MINDY4: variants seen among roughly 807,000 people sequenced by gnomAD.
The protein encoded by MINDY4 is MINDY lysine 48 deubiquitinase 4, also known as probable ubiquitin carboxyl-terminal hydrolase MINDY-4.
MINDY4 carries 68 observed loss-of-function variants against 87.0 expected under a neutral mutation model. The ratio of observed to expected loss-of-function variants is 0.78; its 90% CI spans 0.64 to 0.96. The LOEUF (loss-of-function observed/expected upper bound fraction) is 0.96. MINDY4 is among the 40% of genes least tolerant of loss of function. The pLI is 0.00. For missense variants in MINDY4, 919 were observed against 928.2 expected, an observed-to-expected ratio of 0.99 and a Z score of 0.13; for synonymous variants, 379 against 363.2, an observed-to-expected ratio of 1.04 and a Z score of -0.50.
chr7:30,828,336 G>GTT (rs1788580879), intron 5 of MINDY4, among the ~76,000 whole-genome samples: 1 of 152,142 alleles, frequency 6.6e-6, no homozygotes, highest in African/African-American at 2.4e-5. Flanking sequence ...GTGTGTGTGT[G>GTT]TGTGTGTGTG....
intron 15 of MINDY4, among the ~76,000 whole-genome samples, chr7:30,877,995 A>T (rs73076287): frequency 4.7e-4 from 72 of 151,618 alleles, no homozygotes; most frequent in Middle Eastern, 3.4e-3. Flanking sequence ...CCTCTTCTTT[A>T]ACACCACCTT....
chr7:30,774,422 C>T (rs545495484), intron 1 of MINDY4, among the ~76,000 whole-genome samples: 20 of 152,302 alleles, frequency 1.3e-4, no homozygotes, highest in Admixed American at 1.3e-3. Flanking sequence ...GCATTTCCCT[C>T]CTCTACTAGG....
At chr7:30,798,644 C>T (rs1247840289) in intron 5 of MINDY4, among the ~76,000 whole-genome samples, 1 of 152,266 alleles carries the variant, frequency 6.6e-6, no homozygotes, top group Admixed American at 6.5e-5. Flanking sequence ...CTGCAGTCGC[C>T]CGCCACCACG....
chr7:30,784,689 G>A (rs973793838), intron 3 of MINDY4, among the ~76,000 whole-genome samples: 11 of 152,182 alleles, frequency 7.2e-5, no homozygotes, highest in African/African-American at 2.7e-4. Context: ...TTGCTGCCTG[G>A]TTCTCTCAGA....
chr7:30,821,099 A>T (rs1788315048), intron 5 of MINDY4, among the ~76,000 whole-genome samples: 1 of 151,812 alleles, frequency 6.6e-6, no homozygotes, highest in Non-Finnish European at 1.5e-5. Flanking sequence ...AGAAGCTTTA[A>T]CTCTGATGAT....
chr7:30,829,472 CAA>C (rs1298864517), intron 6 of MINDY4, among the ~76,000 whole-genome samples: 1 of 152,210 alleles, frequency 6.6e-6, no homozygotes, highest in Non-Finnish European at 1.5e-5. Context: ...TTTGGGCAGA[CAA>C]GAGCTGTTCA....
rs1047423526 is a variant in MINDY4, at chr7:30,801,838, G to A, written c.1073+10264G>A. 2.0e-5 allele frequency among the ~76,000 whole-genome samples: 3 copies of A among 152,198 alleles called. No homozygotes were observed. In the East Asian group the frequency reaches 5.8e-4, roughly 29 times the overall value. ...ATCCAGAAAGTGCGGCTAAAGAAGT[G>A]AGAGAGTGGCCACACATCCCCCTGG... On this transcript the variant is annotated intron_variant, in intron 5 of 17. Transcript: ENST00000265299.
intron 1 of MINDY4, among the ~76,000 whole-genome samples, chr7:30,776,351 A>G (rs919066548): frequency 6.6e-6 from 1 of 152,094 alleles, no homozygotes; most frequent in Non-Finnish European, 1.5e-5. Flanking sequence ...CTTGCCTGGA[A>G]CACTTTTCTC....
rs188537926 is a variant in MINDY4 at position 30,891,902 on chromosome 7, A to G, written c.2226-55A>G. 10 of 1,585,172 alleles carry G rather than the reference A, an allele frequency of 6.3e-6. No homozygotes were observed. The African/African-American group carries it at 1.1e-4, about 17-fold the overall frequency. The stretch of plus-strand genomic sequence containing the variant: ...AAGTGGAGGCAAGAGATGGGCTCTC[A>G]TCTGGGACCCTGAAGCTTGATCTCT... On this transcript the variant is annotated intron_variant, in intron 17 of 17. Transcript: ENST00000265299.
intron 13 of MINDY4, among the ~76,000 whole-genome samples, chr7:30,868,970 C>A (rs942761740): frequency 4.6e-5 from 7 of 152,178 alleles, no homozygotes; most frequent in Non-Finnish European, 1.0e-4. Context: ...GTTTTCACCC[C>A]CTGGTCAAGC....
At chr7:30,870,208 C>T (rs1043688985) in intron 13 of MINDY4, among the ~76,000 whole-genome samples, 1 of 152,178 alleles carries the variant, frequency 6.6e-6, no homozygotes, top group Non-Finnish European at 1.5e-5. Context: ...CGCAGGCTCT[C>T]GAGCCCGCTG....
At chr7:30,849,295 A>G (rs760545033) in intron 9 of MINDY4, among the ~76,000 whole-genome samples, 8 of 152,162 alleles carry the variant, frequency 5.3e-5, no homozygotes, top group Non-Finnish European at 1.0e-4. Flanking sequence ...CCTCCTCTGT[A>G]TTCCTTTGAG....
At chr7:30,778,979 C>A (rs905390765) in intron 2 of MINDY4, among the ~76,000 whole-genome samples, 1 of 152,142 alleles carries the variant, frequency 6.6e-6, no homozygotes, top group African/African-American at 2.4e-5. Context: ...CTTGAGTCTC[C>A]TGTGACATAT....
At chr7:30,891,394 GCTT>G (rs1161982193) in intron 17 of MINDY4, among the ~76,000 whole-genome samples, 1 of 148,072 alleles carries the variant, frequency 6.8e-6, no homozygotes, top group Non-Finnish European at 1.5e-5. Context: ...TATACTCCGT[GCTT>G]CTTCAGGTTA....
Position 30,771,485 on chromosome 7 carries a change from GC to G in MINDY4, c.-7del. 6.2e-7 allele frequency: 1 copy of G among 1,602,278 alleles called. No individual in the cohort carries two copies. The highest frequency in any genetic ancestry group is 8.5e-7 in the Non-Finnish European group (1 of 1,175,896). ...CGTGGGCCTCGTGGGCAGAGCCAGA[GC>G]CAGAGCCATGGACAGCCTCTTCGTG... On this transcript the variant is annotated 5_prime_UTR_variant, in exon 1 of 18. Coordinates refer to ENST00000265299, the MANE Select transcript of MINDY4 (RefSeq NM_032222.3).
At chr7:30,822,339 T>C (rs1474039079) in intron 5 of MINDY4, among the ~76,000 whole-genome samples, 2 of 152,110 alleles carry the variant, frequency 1.3e-5, no homozygotes, top group Non-Finnish European at 1.5e-5. Flanking sequence ...CCTGGGTAAT[T>C]TTTGTATTTT....
At chr7:30,856,408 C>T (rs1271517528) in intron 12 of MINDY4, among the ~76,000 whole-genome samples, 3 of 151,986 alleles carry the variant, frequency 2.0e-5, no homozygotes, top group East Asian at 3.9e-4. Flanking sequence ...TTCTTCCCCA[C>T]CCACTGCAGA....
At chr7:30,871,181 C>T (rs542643102) in intron 13 of MINDY4, among the ~76,000 whole-genome samples, 39 of 152,292 alleles carry the variant, frequency 2.6e-4, no homozygotes, top group African/African-American at 9.1e-4. Context: ...AGACCTGGGA[C>T]CCAGGCTCCC....
intron 5 of MINDY4, chr7:30,803,511 C>G (rs987713023): frequency 1.3e-5 from 2 of 152,118 alleles, no homozygotes; most frequent in African/African-American, 4.8e-5. Flanking sequence ...GCCGTAGGAG[C>G]TTAGAGGAGA....
Sources: allele counts gnomAD v4.1 joint callset (sites outside exome capture counted in the v4.1 genomes callset), GRCh38; gene constraint gnomAD v4.1.1; transcripts MANE v1.5; gene names NCBI Gene and HGNC (gene_info 2026-07-23, HGNC 2026-07-21).